The following CD109 variants were observed in gnomAD, a reference collection of about 807,000 sequenced individuals.
The protein encoded by CD109 is CD109 antigen.
A neutral mutation model predicts 165.8 loss-of-function variants in CD109; 149 were observed. The observed-to-expected ratio is 0.90, with a 90% confidence interval of 0.79 to 1.03. The LOEUF (loss-of-function observed/expected upper bound fraction) is 1.03. Ranked by LOEUF, CD109 falls within the 50% of genes least tolerant of loss-of-function variation. CD109 has a pLI of 0.00. For missense variants in CD109, 1,712 were observed against 1,677.8 expected (o/e 1.02, Z -0.36); for synonymous variants, 585 against 592.1 (o/e 0.99, Z 0.18).
chr6:73,791,132 CATACATATATATATATATATATATAT>C (rs1290735635), intron 22 of CD109, among the ~76,000 whole-genome samples: 1 of 46,826 alleles, frequency 2.1e-5, no homozygotes, highest in African/African-American at 1.2e-4. Flanking sequence ...TATATACATA[CATACATATATATATATATATATATAT>C]ATATATATAT....
At position 73,791,162 on chromosome 6, in the gene CD109, T is replaced by TATATATATACACATACAC. The variant is rs1774932503; in HGVS notation, c.2702-1455_2702-1454insCACATACACATATATATA. ...ATATATATATATATATATATATATA[T>TATATATATACACATACAC]ATATATATATATATACACACACACA... is the stretch of plus-strand genomic sequence containing the variant. On this transcript the variant is annotated intron_variant, in intron 22 of 32. Transcript: ENST00000287097. Among the ~76,000 whole-genome samples the TATATATATACACATACAC allele has an allele frequency of 3.6e-3, 131 of 36,278 alleles. 9 individuals carry two copies. The highest frequency in any genetic ancestry group is 1.0e-2 in the African/African-American group (99 of 9,914). 23.8% of individuals were successfully genotyped at this position (36,278 alleles called of 152,430 possible). A position where few individuals can be genotyped will look rare whatever the true frequency, so the allele number is the denominator to read the frequency against.
Position 73,792,671 on chromosome 6 carries a change from G to A in CD109, c.2747G>A (p.Arg916Gln), listed in dbSNP as rs142498397. ...ATCAATGGCTTAGCCTCATTGATTCGGATGCCTTATGGCTGTGGTGAACAG... is the reference window on the plus strand; with the variant it reads ...ATCAATGGCTTAGCCTCATTGATTCAGATGCCTTATGGCTGTGGTGAACAG... Reference protein sequence around the residue: ...PSINGLASLIRMPYGCGEQNM... With the variant: ...PSINGLASLIQMPYGCGEQNM... Residue 916 changes from arginine to glutamine, a missense_variant, in exon 23 of 33, where the codon CGG (arginine) becomes CAG (glutamine). Physicochemically the swap from Arg to Gln is conservative, Grantham distance 43. Transcript: ENST00000287097. 59 of 1,613,264 alleles carry A rather than the reference G, an allele frequency of 3.7e-5. No individual in the cohort carries two copies. In the East Asian group the frequency reaches 1.1e-3, roughly 29 times the overall value.
At chr6:73,696,200 G>C (rs770031240), upstream of CD109, 32 of 1,544,874 alleles carry the variant, frequency 2.1e-5, no homozygotes, top group Non-Finnish European at 2.7e-5. Context: ...CTGTAGCCCA[G>C]GCAGACGCCG....
At chr6:73,715,135 C>T (rs756622702) in intron 2 of CD109, among the ~76,000 whole-genome samples, 1 of 152,320 alleles carries the variant, frequency 6.6e-6, no homozygotes, top group South Asian at 2.1e-4. Context: ...TGGTGCTTGC[C>T]TGTAGTCCCA....
At chr6:73,696,569 A>G (rs1770851418) in intron 1 of CD109, among the ~76,000 whole-genome samples, 2 of 152,224 alleles carry the variant, frequency 1.3e-5, no homozygotes, top group Admixed American at 1.3e-4. Flanking sequence ...TTTTTAGTCC[A>G]CATTGCCTCT....
intron 2 of CD109, among the ~76,000 whole-genome samples, chr6:73,710,284 C>A (rs547886596): frequency 7.9e-5 from 12 of 152,250 alleles, no homozygotes; most frequent in Admixed American, 6.5e-4. Context: ...CACCAGCATT[C>A]TTATACACCA....
the CD109 span, among the ~76,000 whole-genome samples, chr6:73,683,532 C>T: frequency 1.3e-5 from 2 of 152,194 alleles, no homozygotes; most frequent in East Asian, 3.8e-4. Flanking sequence ...TTCTTCTGAG[C>T]CCTCCAAACT....
rs61429872 is a variant in CD109 at position 73,791,136 on chromosome 6, CATATATATATATATATATATATATATAT to C, written c.2702-1476_2702-1449del. Among the ~76,000 whole-genome samples the C allele has an allele frequency of 2.8e-4, 16 of 56,334 alleles. 1 individual carries two copies. Among genetic ancestry groups the C allele is most frequent in the African/African-American group, 1.2e-3 (13 of 10,436 alleles). The allele number at this position is 56,334 out of a possible 152,430, so 37.0% of individuals were successfully genotyped here. A position where few individuals can be genotyped will look rare whatever the true frequency, so the allele number is the denominator to read the frequency against. On this transcript the variant is annotated intron_variant, in intron 22 of 32. Coordinates refer to ENST00000287097, the MANE Select transcript of CD109 (RefSeq NM_133493.5). Reference sequence around the variant, plus strand: ...TTGGAGGCATATATATACATACATACATATATATATATATATATATATATATATATATATATATATACACACACACACA... The same window carrying C: ...TTGGAGGCATATATATACATACATACATATATATATATACACACACACACA...
At chr6:73,711,029 A>C (rs1282393626) in intron 2 of CD109, among the ~76,000 whole-genome samples, 1 of 152,206 alleles carries the variant, frequency 6.6e-6, no homozygotes, top group Non-Finnish European at 1.5e-5. Context: ...TAGAAATGCA[A>C]ACCCATTCTT....
chr6:73,796,266 C>T (rs1446517146), intron 23 of CD109, among the ~76,000 whole-genome samples: 2 of 152,130 alleles, frequency 1.3e-5, no homozygotes, highest in African/African-American at 2.4e-5. Flanking sequence ...CCGGCTTCAG[C>T]CTACAGGGTC....
intron 2 of CD109, among the ~76,000 whole-genome samples, chr6:73,714,335 G>C (rs1771645093): frequency 6.6e-6 from 1 of 152,208 alleles, no homozygotes; most frequent in Admixed American, 6.5e-5. Flanking sequence ...TGTATTATGT[G>C]ACTGATTGAC....
At chr6:73,810,908 T>C (rs1775732613) in intron 27 of CD109, 84 bp from the exon 28 acceptor site, 2 of 1,341,156 alleles carry the variant, frequency 1.5e-6, no homozygotes, top group Admixed American at 4.2e-5. Flanking sequence ...TGTATGAATA[T>C]CCAGCAACAA....
At chr6:73,701,505 C>G (rs1338467463) in intron 2 of CD109, among the ~76,000 whole-genome samples, 1 of 152,058 alleles carries the variant, frequency 6.6e-6, no homozygotes, top group Admixed American at 6.6e-5. Flanking sequence ...TCTTTCCTTA[C>G]TGTGAAAGGA....
intron 31 of CD109, among the ~76,000 whole-genome samples, chr6:73,819,570 A>G (rs1391793374): frequency 6.6e-6 from 1 of 152,230 alleles, no homozygotes; most frequent in African/African-American, 2.4e-5. Flanking sequence ...ATTGCTGAAT[A>G]TATGCTTTTA....
intron 24 of CD109, among the ~76,000 whole-genome samples, chr6:73,804,250 C>G (rs774242626): frequency 2.0e-5 from 3 of 152,176 alleles, no homozygotes; most frequent in Non-Finnish European, 4.4e-5. Flanking sequence ...TAACATGAAA[C>G]AGATCTGCTT....
chr6:73,770,474 G>A (rs546927450), intron 14 of CD109, among the ~76,000 whole-genome samples: 3 of 152,208 alleles, frequency 2.0e-5, no homozygotes, highest in African/African-American at 7.2e-5. Flanking sequence ...GCCAGGCACT[G>A]TGGCTCACGC....
chr6:73,761,756 C>T (rs1409648649), intron 7 of CD109, among the ~76,000 whole-genome samples: 19 of 152,040 alleles, frequency 1.2e-4, no homozygotes, highest in African/African-American at 3.9e-4. Context: ...CTCCTGACCT[C>T]GTGATCCACC....
intron 2 of CD109, among the ~76,000 whole-genome samples, chr6:73,710,811 A>C (rs998678681): frequency 6.6e-6 from 1 of 152,168 alleles, no homozygotes; most frequent in Non-Finnish European, 1.5e-5. Flanking sequence ...CCAGATGTTA[A>C]GCATGTAGGT....
chr6:73,764,592 A>G (rs1262169930), intron 10 of CD109, among the ~76,000 whole-genome samples: 1 of 152,176 alleles, frequency 6.6e-6, no homozygotes, highest in African/African-American at 2.4e-5. Flanking sequence ...AGGCAGGCGG[A>G]TCACCTGAGG....
Sources: gnomAD v4.1 joint callset for allele counts (sites outside exome capture counted in the v4.1 genomes callset) on GRCh38, gnomAD v4.1.1 for gene constraint, MANE v1.5 for transcripts, NCBI Gene and HGNC (gene_info 2026-07-23, HGNC 2026-07-21) for gene names.